The following TRIOBP variants were observed in gnomAD, a reference collection of about 807,000 sequenced individuals.
TRIOBP encodes TRIO and F-actin binding protein, also known as TRIO and F-actin-binding protein.
Under a neutral mutation model 238.8 loss-of-function variants are expected in TRIOBP, and 169 were observed. The observed-to-expected ratio is 0.71, with a 90% confidence interval of 0.62 to 0.80. The LOEUF (loss-of-function observed/expected upper bound fraction) is 0.80, where lower values mean the gene tolerates loss of function less well. TRIOBP is among the 30% of genes least tolerant of loss of function. The pLI is 0.00. For synonymous variants in TRIOBP, 1,150 were observed against 1,274.4 expected, an observed-to-expected ratio of 0.90 and a Z score of 2.08; for missense variants, 2,838 against 3,122.6, an observed-to-expected ratio of 0.91 and a Z score of 2.17.
At chr22:37,697,950 A>C (rs1922433417) in intron 2 of TRIOBP, among the ~76,000 whole-genome samples, 1 of 152,106 alleles carries the variant, frequency 6.6e-6, no homozygotes, top group South Asian at 2.1e-4. Flanking sequence ...CTGTAATCCC[A>C]GCACTTTGGG....
At chr22:37,739,274 C>T (rs1924825955) in intron 10 of TRIOBP, among the ~76,000 whole-genome samples, 1 of 152,138 alleles carries the variant, frequency 6.6e-6, no homozygotes, top group Admixed American at 6.5e-5. Flanking sequence ...TTCTCGTCAC[C>T]CTCAGCCTCC....
chr22:37,734,766 G>T lies in TRIOBP; in HGVS notation c.4430G>T (p.Trp1477Leu), dbSNP rs780453279. 5.0e-6 allele frequency: 8 copies of T among 1,611,366 alleles called. No individual in the cohort carries two copies. Among genetic ancestry groups the T allele is most frequent in the Middle Eastern group, 1.7e-4 (1 of 6,052 alleles). Residue 1477 changes from tryptophan (W) to leucine (L), a missense_variant, in exon 9 of 24, where the codon TGG (tryptophan) becomes TTG (leucine). Physicochemically the swap from Trp to Leu is moderately conservative, Grantham distance 61. Coordinates refer to ENST00000644935, the MANE Select transcript of TRIOBP (RefSeq NM_001039141.3). ...GCAGCCAAAGCCCCGGAGGGAGCAT[G>T]GGGGGGCACTTCCAGGGAGTACAAG... ...LGAAKAPEGA[W>L]GGTSREYKES...
Position 37,723,544 on chromosome 22 carries a change from C to G in TRIOBP, c.988C>G (p.Pro330Ala), listed in dbSNP as rs200747544. The G allele has an allele frequency of 4.3e-6, 7 of 1,613,636 alleles. No individual in the cohort carries two copies. The highest frequency in any genetic ancestry group is 1.7e-5 in the Admixed American group (1 of 59,964). The stretch of plus-strand genomic sequence containing the variant: ...GGCCTCATCCACCCAAGAGGACACC[C>G]CCAGGGCCTCATCTACACAGTGGAA... Reference protein sequence around the residue: ...PRASSTQEDTPRASSTQWNTP... With the variant: ...PRASSTQEDTARASSTQWNTP... Residue 330 changes from proline (P) to alanine (A), a missense_variant, in exon 7 of 24, where the codon CCC (proline) becomes GCC (alanine). Coordinates refer to ENST00000644935, the MANE Select transcript of TRIOBP (RefSeq NM_001039141.3).
intron 21 of TRIOBP, among the ~76,000 whole-genome samples, chr22:37,770,843 TG>T (rs1926739865): frequency 6.6e-6 from 1 of 151,910 alleles, no homozygotes; most frequent in South Asian, 2.1e-4. Context: ...CCACCACACC[TG>T]GCTAATTTTT....
At position 37,716,218 on chromosome 22, in the gene TRIOBP, T is replaced by C. The variant is rs8139083; in HGVS notation, c.628+284T>C. ...CCTTTGCCTCCCCAGTTCAAGCGATTCTCCTGCCCCAGCCTCCCAAGTAGC... is the reference window on the plus strand; with the variant it reads ...CCTTTGCCTCCCCAGTTCAAGCGATCCTCCTGCCCCAGCCTCCCAAGTAGC... On this transcript the variant is annotated intron_variant, in intron 6 of 23. Coordinates refer to ENST00000644935, the MANE Select transcript of TRIOBP (RefSeq NM_001039141.3). 0.18 allele frequency among the ~76,000 whole-genome samples: 27,918 copies of C among 151,728 alleles called. 2,729 individuals are homozygous for C. Among genetic ancestry groups the C allele is most frequent in the Admixed American group, 0.25 (3,822 of 15,226 alleles).
chr22:37,766,116 A>G (rs1385067447), intron 18 of TRIOBP, among the ~76,000 whole-genome samples: 1 of 152,086 alleles, frequency 6.6e-6, no homozygotes, highest in East Asian at 1.9e-4. Context: ...GGCACATGCT[A>G]CCCACGTGCG....
At chr22:37,716,413 CTGT>C (rs923627347) in intron 6 of TRIOBP, among the ~76,000 whole-genome samples, 5 of 151,538 alleles carry the variant, frequency 3.3e-5, no homozygotes, top group African/African-American at 1.2e-4. Context: ...CACGCCTAGC[CTGT>C]TATTATTATT....
chr22:37,708,316 C>T (rs1036211262), intron 3 of TRIOBP, among the ~76,000 whole-genome samples: 7 of 151,740 alleles, frequency 4.6e-5, no homozygotes, highest in African/African-American at 9.7e-5. Flanking sequence ...GCACTTTGGC[C>T]GAGGCAGGCA....
intron 17 of TRIOBP, among the ~76,000 whole-genome samples, chr22:37,764,091 T>G (rs1926372590): frequency 6.6e-6 from 1 of 152,242 alleles, no homozygotes; most frequent in South Asian, 2.1e-4. Context: ...TAAGGACCCT[T>G]GTGATTACAC....
intron 12 of TRIOBP, among the ~76,000 whole-genome samples, chr22:37,753,892 A>T (rs1925764630): frequency 6.6e-6 from 1 of 152,150 alleles, no homozygotes; most frequent in Non-Finnish European, 1.5e-5. Context: ...GCGGGCCGCG[A>T]CTGGCATTCC....
intron 10 of TRIOBP, among the ~76,000 whole-genome samples, chr22:37,738,931 G>C (rs941217850): frequency 2.0e-5 from 3 of 152,158 alleles, no homozygotes; most frequent in Non-Finnish European, 2.9e-5. Flanking sequence ...GGCGATCCTG[G>C]GGTCAGAACC....
chr22:37,773,782 G>T lies in TRIOBP; in HGVS notation c.*3-1G>T. The T allele has an allele frequency of 6.5e-6, 1 of 152,854 alleles. No individual in the cohort carries two copies. Among genetic ancestry groups the T allele is most frequent in the Non-Finnish European group, 1.5e-5 (1 of 68,164 alleles). The allele number at this position is 152,854 out of a possible 1,614,324, so 9.5% of individuals were successfully genotyped here. On this transcript the variant is annotated splice_acceptor_variant, in intron 23 of 23. Transcript: ENST00000644935. LOFTEE classifies it low-confidence loss of function (3UTR_SPLICE). ...CAGCCCTGCCGCACCTTGTCTTTCA[G>T]GTCCCGCCCAGCTGCAGACCCTCCA... is the stretch of plus-strand genomic sequence containing the variant.
chr22:37,734,277 C>A, intron 8 of TRIOBP, 122 bp from the exon 9 acceptor site: 1 of 944,336 alleles, frequency 1.1e-6, no homozygotes, highest in Non-Finnish European at 1.7e-6. Context: ...TACTTTTTGG[C>A]CTGCTTTGAT....
intron 18 of TRIOBP, among the ~76,000 whole-genome samples, 172 bp downstream of exon 18, chr22:37,765,989 C>T (rs903787382): frequency 6.6e-6 from 1 of 152,150 alleles, no homozygotes; most frequent in Admixed American, 6.5e-5. Flanking sequence ...TGTAGCCCTA[C>T]TTAAAAAGGG....
intron 10 of TRIOBP, 124 bp from the exon 11 acceptor site, chr22:37,740,771 G>A: frequency 7.1e-7 from 1 of 1,417,518 alleles, no homozygotes; most frequent in Non-Finnish European, 9.7e-7. Context: ...TGGGAGGAGA[G>A]AAAGATGGGA....
chr22:37,736,576 G>A (rs534552001), intron 9 of TRIOBP, among the ~76,000 whole-genome samples: 43 of 152,276 alleles, frequency 2.8e-4, no homozygotes, highest in African/African-American at 9.1e-4. Flanking sequence ...TGCATAGGTC[G>A]TGAGAAATGA....
Position 37,735,265 on chromosome 22 carries a change from C to G in TRIOBP, c.4929C>G (p.Ser1643Arg), listed in dbSNP as rs915393022. ...AGGCCACCCCAGTCAATGGACACAG[C>G]CCCGCACTGCAGTCCCAGAGCCCGG... Reference protein sequence around the residue: ...WAEATPVNGHSPALQSQSPVQ... With the variant: ...WAEATPVNGHRPALQSQSPVQ... Residue 1643 changes from serine to arginine, a missense_variant, in exon 9 of 24, where the codon AGC (serine) becomes AGG (arginine). By Grantham distance (110) the Ser-to-Arg change is moderately radical (BLOSUM62 -1). Around this residue, in one of 5 missense-constraint regions of TRIOBP, gnomAD observed 2,096 missense variants for 2,137.4 expected, o/e 0.98. Coordinates refer to ENST00000644935, the MANE Select transcript of TRIOBP (RefSeq NM_001039141.3). The G allele has an allele frequency of 1.9e-6, 3 of 1,608,880 alleles. No individual in the cohort carries two copies. The highest frequency in any genetic ancestry group is 2.6e-6 in the Non-Finnish European group (3 of 1,176,374).
chr22:37,762,429 C>T (rs1926291432), intron 17 of TRIOBP, among the ~76,000 whole-genome samples: 2 of 152,214 alleles, frequency 1.3e-5, no homozygotes, highest in African/African-American at 4.8e-5. Context: ...TCTGCCACTA[C>T]AATGACGTTT....
At chr22:37,721,590 G>A (rs1296454281) in intron 6 of TRIOBP, among the ~76,000 whole-genome samples, 2 of 152,154 alleles carry the variant, frequency 1.3e-5, no homozygotes, top group South Asian at 2.1e-4. Flanking sequence ...CACTCCTCCG[G>A]CCTCAGCCTC....
Sources: allele counts gnomAD v4.1 joint callset (sites outside exome capture counted in the v4.1 genomes callset), GRCh38; gene constraint gnomAD v4.1.1; regional missense constraint gnomAD v4.1.1; transcripts MANE v1.5; gene names NCBI Gene and HGNC (gene_info 2026-07-23, HGNC 2026-07-21).